Variants in KCNMA1 observed in about 807,000 individuals in gnomAD.
KCNMA1 encodes the protein Calcium-activated potassium channel subunit alpha-1.
Under a neutral mutation model 140.0 loss-of-function variants are expected in KCNMA1, and 29 were observed. The ratio of observed to expected loss-of-function variants is 0.21; its 90% confidence interval spans 0.15 to 0.28. The LOEUF is 0.28. Ranked by LOEUF, KCNMA1 falls within the 10% of genes least tolerant of loss-of-function variation. The pLI is 1.00. For missense variants in KCNMA1, 880 were observed against 1,602.2 expected (o/e 0.55, Z 7.70); for synonymous variants, 612 against 611.9 (o/e 1.00, Z 0.00).
chr10:77,601,902 CA>C (rs2082785662), intron 1 of KCNMA1, among the ~76,000 whole-genome samples: 1 of 152,218 alleles, frequency 6.6e-6, no homozygotes, highest in South Asian at 2.1e-4. Flanking sequence ...CCAGGCAGTA[CA>C]GAGTTCTGAG....
intron 20 of KCNMA1, among the ~76,000 whole-genome samples, chr10:76,960,646 T>TTTTTTAC (rs1565205821): frequency 1.4e-5 from 2 of 140,082 alleles, no homozygotes; most frequent in Non-Finnish European, 1.6e-5. Flanking sequence ...TTTTTTTTTT[T>TTTTTTAC]ACAAATTGAA....
At chr10:77,384,003 A>T (rs1037619558) in intron 2 of KCNMA1, among the ~76,000 whole-genome samples, 1 of 152,226 alleles carries the variant, frequency 6.6e-6, no homozygotes, top group African/African-American at 2.4e-5. Context: ...TTTATGAAAG[A>T]TTTGTGCGTC....
At chr10:77,233,956 A>C (rs893088190) in intron 3 of KCNMA1, among the ~76,000 whole-genome samples, 20 of 152,204 alleles carry the variant, frequency 1.3e-4, no homozygotes, top group African/African-American at 4.3e-4. Context: ...TCTACAATAA[A>C]TTAGAACAGT....
At chr10:77,118,638 G>A (rs929390231) in intron 6 of KCNMA1, among the ~76,000 whole-genome samples, 22 of 152,182 alleles carry the variant, frequency 1.4e-4, no homozygotes, top group African/African-American at 5.3e-4. Flanking sequence ...CCAGCCCCAT[G>A]AGGATGACAC....
intron 1 of KCNMA1, among the ~76,000 whole-genome samples, chr10:77,569,735 T>C (rs951406193): frequency 1.3e-5 from 2 of 152,226 alleles, no homozygotes; most frequent in Non-Finnish European, 2.9e-5. Context: ...AATTGACAGA[T>C]GGGATCTAAT....
intron 1 of KCNMA1, among the ~76,000 whole-genome samples, chr10:77,422,322 A>C (rs2096884208): frequency 1.3e-5 from 2 of 152,228 alleles, no homozygotes; most frequent in African/African-American, 4.8e-5. Context: ...GTTGGAGCAT[A>C]AGAATTTACA....
chr10:77,306,524 A>C (rs2077773187), intron 2 of KCNMA1, among the ~76,000 whole-genome samples: 1 of 152,238 alleles, frequency 6.6e-6, no homozygotes, highest in Non-Finnish European at 1.5e-5. Flanking sequence ...AAGAATGACA[A>C]AAATTCTGGG....
downstream of KCNMA1, chr10:76,877,412 T>C (rs2032590399): frequency 6.3e-6 from 1 of 157,774 alleles, no homozygotes; most frequent in Admixed American, 6.4e-5. Context: ...TTCATTTAGA[T>C]TTTGCATTGT....
intron 2 of KCNMA1, among the ~76,000 whole-genome samples, chr10:77,360,949 C>T (rs897481858): frequency 6.6e-6 from 1 of 152,058 alleles, no homozygotes; most frequent in African/African-American, 2.4e-5. Context: ...CTCTGGGAGC[C>T]TCTGAATAGT....
Position 77,108,362 on chromosome 10 carries a change from A to T in KCNMA1, c.1223+119T>A, listed in dbSNP as rs1596113786. 1.3e-6 allele frequency: 2 copies of T among 1,594,502 alleles called. No homozygotes were observed. The highest frequency in any genetic ancestry group is 1.7e-6 in the Non-Finnish European group (2 of 1,176,214). ...ATGAGAGCAGCAATTTCGGGCACGT[A>T]GCGGGCAAACATTGCCTACATGCAT... is the stretch of plus-strand genomic sequence containing the variant. On this transcript the variant is annotated intron_variant, in intron 9 of 27. Transcript: ENST00000286628. This position sits in a 1 kb window ranked among gnomAD's most constrained non-coding sequence, Gnocchi z 4.6.
At position 77,537,839 on chromosome 10, in the gene KCNMA1, G is replaced by T. The variant is rs556944636; in HGVS notation, c.378+99426C>A. Among the ~76,000 whole-genome samples the T allele has an allele frequency of 3.6e-4, 55 of 152,052 alleles. No individual in the cohort carries two copies. In the South Asian group the frequency reaches 4.4e-3, roughly 12 times the overall value. ...CAACACGCTGCCTGCTCCTCCCGGCGCACATTCTTCCTGGCTCTCCCTCAC... is the reference window on the plus strand; with the variant it reads ...CAACACGCTGCCTGCTCCTCCCGGCTCACATTCTTCCTGGCTCTCCCTCAC... On this transcript the variant is annotated intron_variant, in intron 1 of 27. Transcript: ENST00000286628.
intron 1 of KCNMA1, among the ~76,000 whole-genome samples, chr10:77,534,377 A>T (rs891395423): frequency 2.6e-5 from 4 of 152,222 alleles, no homozygotes; most frequent in Non-Finnish European, 5.9e-5. Flanking sequence ...GGGTACAGTC[A>T]GAGCTAAAGA....
chr10:77,001,074 A>G (rs2086264603), intron 19 of KCNMA1, among the ~76,000 whole-genome samples: 2 of 151,914 alleles, frequency 1.3e-5, no homozygotes, highest in African/African-American at 2.4e-5. Context: ...ACACTTCTGC[A>G]TATCTCTGTA....
chr10:77,293,975 G>A (rs1466898484), intron 2 of KCNMA1, among the ~76,000 whole-genome samples: 1 of 152,180 alleles, frequency 6.6e-6, no homozygotes, highest in Non-Finnish European at 1.5e-5. Flanking sequence ...AAGCACCCTG[G>A]CCCCAGCCGG....
At chr10:77,441,840 T>A (rs1244058784) in intron 1 of KCNMA1, among the ~76,000 whole-genome samples, 1 of 150,010 alleles carries the variant, frequency 6.7e-6, no homozygotes, top group Non-Finnish European at 1.5e-5. Flanking sequence ...TGAGATCTTT[T>A]TTTTTTCTTC....
intron 1 of KCNMA1, among the ~76,000 whole-genome samples, chr10:77,470,574 G>A (rs1315694239): frequency 2.6e-5 from 4 of 152,180 alleles, no homozygotes; most frequent in African/African-American, 7.2e-5. Flanking sequence ...CAGTGGAGAA[G>A]AAAAAGAAGA....
At chr10:77,283,086 C>G (rs1449881348) in intron 2 of KCNMA1, among the ~76,000 whole-genome samples, 1 of 152,132 alleles carries the variant, frequency 6.6e-6, no homozygotes, top group Non-Finnish European at 1.5e-5. Context: ...CAACTACCAG[C>G]CTTTACCTAG....
intron 25 of KCNMA1, among the ~76,000 whole-genome samples, chr10:76,908,334 A>G (rs562129424): frequency 6.1e-4 from 93 of 152,234 alleles, no homozygotes; most frequent in Non-Finnish European, 1.1e-3. Context: ...GAGCCCCAGG[A>G]AACCAAGGGA....
At chr10:76,987,972 G>A (rs1363227082) in intron 19 of KCNMA1, among the ~76,000 whole-genome samples, 1 of 152,208 alleles carries the variant, frequency 6.6e-6, no homozygotes, top group Non-Finnish European at 1.5e-5. Flanking sequence ...TAATTGAAAG[G>A]TTGAAGGGCA....
Sources: allele counts gnomAD v4.1 joint callset (sites outside exome capture counted in the v4.1 genomes callset), GRCh38; gene constraint gnomAD v4.1.1; non-coding constraint Gnocchi (gnomAD v3.1); transcripts MANE v1.5; gene names NCBI Gene and HGNC (gene_info 2026-07-23, HGNC 2026-07-21).